THAP6: variants seen among roughly 807,000 people sequenced by gnomAD.
THAP6 encodes the protein THAP domain-containing protein 6.
In THAP6, 13 loss-of-function variants were observed where a neutral mutation model predicts 20.0. The ratio of observed to expected loss-of-function variants is 0.65; its 90% CI spans 0.42 to 1.03. The LOEUF is 1.03. THAP6 is among the 50% of genes least tolerant of loss of function. The pLI is 0.00. For synonymous variants in THAP6, 93 were observed against 92.2 expected (o/e 1.01, Z -0.05); for missense variants, 262 against 261.6 (o/e 1.00, Z -0.01).
chr4:75,539,849 C>G, intron 2 of THAP6: 1 of 1,536,000 alleles, frequency 6.5e-7, no homozygotes, highest in Middle Eastern at 1.7e-4. Context: ...TAAATTCCAT[C>G]CCATCCCAGA....
rs1726506212 is a variant in THAP6, at chr4:75,528,348, T to C, written c.*1134T>C. ...AATTCCTTACCGAAAACAACTGAAA[T>C]TGAGAGTCATAAATACTGTGGGTTA... On this transcript the variant is annotated 3_prime_UTR_variant, in exon 5 of 5. Transcript: ENST00000311638. The C allele has an allele frequency of 1.0e-6, 1 of 985,262 alleles. No homozygotes were observed. Among genetic ancestry groups the C allele is most frequent in the Non-Finnish European group, 1.2e-6 (1 of 829,918 alleles). The allele number at this position is 985,262 out of a possible 1,614,324, so 61.0% of individuals were successfully genotyped here.
intron 4 of THAP6, among the ~76,000 whole-genome samples, chr4:75,524,151 T>A (rs1008059676): frequency 6.6e-6 from 1 of 152,206 alleles, no homozygotes; most frequent in Non-Finnish European, 1.5e-5. Flanking sequence ...TATGGCATCT[T>A]TAACTTATCA....
chr4:75,524,293 A>G (rs1445626295), intron 4 of THAP6, among the ~76,000 whole-genome samples: 1 of 152,208 alleles, frequency 6.6e-6, no homozygotes, highest in African/African-American at 2.4e-5. Flanking sequence ...TATAGACTCC[A>G]CACCATTATT....
upstream of THAP6, chr4:75,514,210 C>A: frequency 6.2e-7 from 1 of 1,612,336 alleles, no homozygotes; most frequent in South Asian, 1.1e-5. Flanking sequence ...TAGGAGACAT[C>A]CTCTGTCATA....
chr4:75,534,377 G>C (rs1726790843), downstream of THAP6, among the ~76,000 whole-genome samples: 1 of 152,160 alleles, frequency 6.6e-6, no homozygotes, highest in Admixed American at 6.5e-5. Flanking sequence ...AGCTGAAACT[G>C]GATCCCTTCC....
rs781156228 is a variant in THAP6, at chr4:75,521,771, C to T, written c.324C>T (p.Phe108=). ...KREKLHCRKN[F]TLKTVPATNY... ...AAAAACTTCATTGTAGAAAAAACTT[C>T]ACCCTCAAAACCGTTCCAGCCACTA... The change falls in exon 4 of 5, where the codon TTC becomes TTT. Residue 108 remains phenylalanine, a synonymous_variant. Transcript: ENST00000311638. The T allele has an allele frequency of 1.6e-5, 26 of 1,612,720 alleles. No homozygotes were observed. Among genetic ancestry groups the T allele is most frequent in the Non-Finnish European group, 2.1e-5 (25 of 1,179,282 alleles).
At chr4:75,516,292 C>G (rs1044076226) in intron 2 of THAP6, among the ~76,000 whole-genome samples, 1 of 152,210 alleles carries the variant, frequency 6.6e-6, no homozygotes. Flanking sequence ...CAGCTATTCT[C>G]TGCATTCATT....
At chr4:75,539,136 G>T (rs574999076) in intron 2 of THAP6, among the ~76,000 whole-genome samples, 1 of 152,144 alleles carries the variant, frequency 6.6e-6, no homozygotes, top group South Asian at 2.1e-4. Context: ...ACCAGGGAGC[G>T]CAGCCATATA....
intron 2 of THAP6, among the ~76,000 whole-genome samples, chr4:75,541,105 A>G (rs991355169): frequency 2.0e-5 from 3 of 152,202 alleles, no homozygotes; most frequent in Non-Finnish European, 4.4e-5. Flanking sequence ...TGTATTCTAT[A>G]TATTAAAACT....
intron 2 of THAP6, chr4:75,540,057 A>G (rs1726963485): frequency 2.2e-6 from 3 of 1,374,246 alleles, no homozygotes; most frequent in South Asian, 1.4e-5. Context: ...TTCAATCACC[A>G]TCCTCCTCTT....
intron 1 of THAP6, 71 bp from the exon 2 acceptor site, chr4:75,515,362 C>T (rs1469005591): frequency 1.4e-6 from 2 of 1,431,210 alleles, no homozygotes; most frequent in Non-Finnish European, 2.0e-6. Context: ...TTTCCTAAAA[C>T]ACCGGGAAAG....
intron 2 of THAP6, among the ~76,000 whole-genome samples, chr4:75,538,251 T>C (rs981178596): frequency 7.9e-5 from 12 of 152,274 alleles, no homozygotes; most frequent in African/African-American, 2.9e-4. Context: ...AGCAAGGGAC[T>C]CTGGACATGC....
chr4:75,527,234 C>T lies in THAP6; in HGVS notation c.*20C>T. 2 of 1,590,680 alleles carry T rather than the reference C, an allele frequency of 1.3e-6. No individual in the cohort carries two copies. The highest frequency in any genetic ancestry group is 1.7e-6 in the Non-Finnish European group (2 of 1,165,848). On this transcript the variant is annotated 3_prime_UTR_variant, in exon 5 of 5. Transcript: ENST00000311638. ...TCATGAAATAATTTCATGTTACGTT[C>T]CACCTAAAATTGTCATTGGTACAAA...
In THAP6 at chr4:75,515,492, T is replaced by C; in HGVS notation, c.40T>C (p.Cys14Arg). Residue 14 changes from cysteine (C) to arginine (R), a missense_variant, in exon 2 of 5, where the codon TGC becomes CGC. By Grantham distance (180) the Cys-to-Arg change is radical (BLOSUM62 -3). Coordinates refer to ENST00000311638, the MANE Select transcript of THAP6 (RefSeq NM_144721.6). ...CTCCGCCATTGGATGTGCTTCTCGCTGCTTGCCAAATTCGAAGTTAAAAGG... is the reference window on the plus strand; with the variant it reads ...CTCCGCCATTGGATGTGCTTCTCGCCGCTTGCCAAATTCGAAGTTAAAAGG... ...CCSAIGCASRCLPNSKLKGLT... is the reference protein window; with the variant it reads ...CCSAIGCASRRLPNSKLKGLT... The C allele has an allele frequency of 6.2e-7, 1 of 1,614,088 alleles. No homozygotes were observed. Among genetic ancestry groups the C allele is most frequent in the Non-Finnish European group, 8.5e-7 (1 of 1,179,914 alleles).
At chr4:75,539,918 C>T (rs904214958) in intron 2 of THAP6, 1 of 1,536,060 alleles carries the variant, frequency 6.5e-7, no homozygotes, top group Admixed American at 2.0e-5. Context: ...GAGAGAAATG[C>T]ATTTCATAGG....
chr4:75,544,301 A>G (rs1228739472), intron 3 of THAP6: 3 of 151,986 alleles, frequency 2.0e-5, no homozygotes, highest in Non-Finnish European at 4.4e-5. Flanking sequence ...TAAGGACTTT[A>G]TTTTTTAATT....
rs958692656 is a variant in THAP6, at chr4:75,526,862, C to G, written c.415-98C>G. ...TCTATCACCAACTTAAAAATGTTCTCCAGGCATTGTAAATGAAGAAACAGC... is the reference window on the plus strand; with the variant it reads ...TCTATCACCAACTTAAAAATGTTCTGCAGGCATTGTAAATGAAGAAACAGC... On this transcript the variant is annotated intron_variant, in intron 4 of 4. Coordinates refer to ENST00000311638, the MANE Select transcript of THAP6 (RefSeq NM_144721.6). 10 of 1,488,676 alleles carry G rather than the reference C, an allele frequency of 6.7e-6. No homozygotes were observed. The Admixed American group carries it at 1.5e-4, about 22-fold the overall frequency. 92.2% of individuals were successfully genotyped at this position (1,488,676 alleles called of 1,614,324 possible).
chr4:75,525,034 C>T (rs977352800), intron 4 of THAP6, among the ~76,000 whole-genome samples: 3 of 152,200 alleles, frequency 2.0e-5, no homozygotes, highest in Non-Finnish European at 4.4e-5. Context: ...CTGGGCCAGG[C>T]GTGAGCCACC....
intron 3 of THAP6, chr4:75,517,338 A>G (rs1229002083): frequency 1.2e-5 from 2 of 173,072 alleles, no homozygotes; most frequent in South Asian, 1.5e-4. Context: ...TTATGATACT[A>G]TTGAAGAACC....
Sources: allele counts gnomAD v4.1 joint callset (sites outside exome capture counted in the v4.1 genomes callset), GRCh38; gene constraint gnomAD v4.1.1; transcripts MANE v1.5; gene names NCBI Gene and HGNC (gene_info 2026-07-23, HGNC 2026-07-21).